Variants in ZNF281 observed in about 807,000 individuals in gnomAD.
The protein encoded by ZNF281 is zinc finger protein 281.
A neutral mutation model predicts 58.8 loss-of-function variants in ZNF281; 2 were observed. That is an observed-to-expected ratio of 0.03 (90% CI 0.01 to 0.11). ZNF281 has a LOEUF of 0.11. ZNF281 is among the 10% of genes least tolerant of loss of function. The pLI is 1.00. For missense variants in ZNF281, 975 were observed against 1,090.7 expected, an observed-to-expected ratio of 0.89 and a Z score of 1.49; for synonymous variants, 465 against 407.7, an observed-to-expected ratio of 1.14 and a Z score of -1.69.
chr1:200,408,659 A>G lies in ZNF281; in HGVS notation c.1047T>C (p.Thr349=), dbSNP rs1360930511. The G allele has an allele frequency of 6.2e-7, 1 of 1,614,212 alleles. No homozygotes were observed. The highest frequency in any genetic ancestry group is 1.1e-5 in the South Asian group (1 of 91,084). Residue 349 remains threonine (T), a synonymous_variant, in exon 2 of 2, where the codon ACT becomes ACC. Transcript: ENST00000367353. ...HSGEKPYKCD[T]CQQYFSRTDR... is the part of the protein sequence containing the mutation. ...CAGTCCTTGAAAAATACTGTTGGCA[A>G]GTGTCACACTTATATGGCTTTTCTC...
Position 200,407,000 on chromosome 1 carries a change from C to G in ZNF281, c.*18G>C. 1.3e-6 allele frequency: 2 copies of G among 1,587,936 alleles called. No homozygotes were observed. Among genetic ancestry groups the G allele is most frequent in the Non-Finnish European group, 1.7e-6 (2 of 1,168,428 alleles). The stretch of plus-strand genomic sequence containing the variant: ...AAAATTACATTAGAAGACCTCCAGC[C>G]TGGCCACTTTTGGGACCTTACCTGT... On this transcript the variant is annotated 3_prime_UTR_variant, in exon 2 of 2. Coordinates refer to ENST00000367353, the MANE Select transcript of ZNF281 (RefSeq NM_001281293.2).
In ZNF281 at chr1:200,406,231, G is replaced by T. The variant is rs79617453; in HGVS notation, c.*787C>A. On this transcript the variant is annotated 3_prime_UTR_variant, in exon 2 of 2. Transcript: ENST00000367353. ...CACTGTACTAGATGTCAGTAGAATC[G>T]CTTGATGGAATTACAGCCTTGTTAC... 6.6e-6 allele frequency: 1 copy of T among 152,170 alleles called. No homozygotes were observed. The highest frequency in any genetic ancestry group is 1.5e-5 in the Non-Finnish European group (1 of 67,986). 9.4% of individuals were successfully genotyped at this position (152,170 alleles called of 1,614,324 possible).
chr1:200,407,227 G>C lies in ZNF281; in HGVS notation c.2479C>G (p.Gln827Glu), dbSNP rs751937056. Residue 827 changes from glutamine to glutamate, a missense_variant, in exon 2 of 2, where the codon CAG (glutamine) becomes GAG (glutamate). Transcript: ENST00000367353. ...AACGCTTGTGCAAAGTTCTCAATCT[G>C]ATACGTTGTTCTAGGCTCTATGTCT... is the stretch of plus-strand genomic sequence containing the variant. ...QKDIEPRTTY[Q>E]IENFAQAFGS... 6.2e-7 allele frequency: 1 copy of C among 1,614,220 alleles called. No homozygotes were observed. Among genetic ancestry groups the C allele is most frequent in the South Asian group, 1.1e-5 (1 of 91,090 alleles).
intron 1 of ZNF281, 88 bp from the exon 2 acceptor site, chr1:200,409,811 G>A: frequency 1.4e-6 from 2 of 1,434,334 alleles, no homozygotes; most frequent in Non-Finnish European, 1.8e-6. Context: ...TAAGGACCCC[G>A]CCGCGCCGCC....
rs778234314 is a variant in ZNF281, at chr1:200,409,247, G to A, written c.459C>T (p.Phe153=). ...CTGGAGACCTCTCTTCAGCTCCAGC[G>A]AACAGCCCCCCATAGTGGTGGTGGT... is the stretch of plus-strand genomic sequence containing the variant. ...HHHHHHYGGL[F]AGAEERSPGL... is the part of the protein sequence containing the mutation. The change falls in exon 2 of 2, where the codon TTC becomes TTT. Residue 153 remains phenylalanine (F), a synonymous_variant. Transcript: ENST00000367353. 5.6e-6 allele frequency: 9 copies of A among 1,613,736 alleles called. No individual in the cohort carries two copies. In the South Asian group the frequency reaches 7.7e-5, roughly 14 times the overall value.
rs370598312 is a variant in ZNF281 at position 200,407,231 on chromosome 1, C to G, written c.2475G>C (p.Thr825=). The G allele has an allele frequency of 6.2e-7, 1 of 1,614,098 alleles. No individual in the cohort carries two copies. The highest frequency in any genetic ancestry group is 1.7e-5 in the Admixed American group (1 of 60,004). Reference sequence around the variant, plus strand: ...CTTGTGCAAAGTTCTCAATCTGATACGTTGTTCTAGGCTCTATGTCTTTCT... The same window carrying G: ...CTTGTGCAAAGTTCTCAATCTGATAGGTTGTTCTAGGCTCTATGTCTTTCT... ...DPQKDIEPRT[T]YQIENFAQAF... The change falls in exon 2 of 2, where the codon ACG becomes ACC. Residue 825 remains threonine, a synonymous_variant. Transcript: ENST00000367353.
At position 200,409,334 on chromosome 1, in the gene ZNF281, C is replaced by A; in HGVS notation, c.372G>T (p.Leu124Phe). The change falls in exon 2 of 2, where the codon TTG becomes TTT. Residue 124 changes from leucine (L) to phenylalanine (F), a missense_variant. Leu to Phe is a conservative substitution (Grantham distance 22). Transcript: ENST00000367353. ...CGGGTTTCTCCTGTTTGATGCTAAC[C>A]AAAGACTGCAAGAACCCCCAGGAGG... ...QRTSWGFLQS[L>F]VSIKQEKPAD... 6.4e-7 allele frequency: 1 copy of A among 1,571,352 alleles called. No individual in the cohort carries two copies. The highest frequency in any genetic ancestry group is 8.6e-7 in the Non-Finnish European group (1 of 1,157,498).
chr1:200,409,496 G>A lies in ZNF281; in HGVS notation c.210C>T (p.Ala70=), dbSNP rs938678469. Residue 70 remains alanine, a synonymous_variant, in exon 2 of 2, where the codon GCC becomes GCT. Transcript: ENST00000367353. ...ATAACACGCATTGCGGGGGAGGGGC[G>A]GCCGACCCCGCCGGCCGGGTGAAGC... ...VTSFTRPAGS[A]APPPQCVLSS... is the part of the protein sequence containing the mutation. The A allele has an allele frequency of 9.7e-6, 15 of 1,548,762 alleles. No homozygotes were observed. The highest frequency in any genetic ancestry group is 1.3e-5 in the Non-Finnish European group (15 of 1,146,224).
In ZNF281 at chr1:200,409,590, C is replaced by T. The variant is rs1198472984; in HGVS notation, c.116G>A (p.Arg39Lys). Residue 39 changes from arginine to lysine, a missense_variant, in exon 2 of 2, where the codon AGG becomes AAG. Coordinates refer to ENST00000367353, the MANE Select transcript of ZNF281 (RefSeq NM_001281293.2). ...GGGAAAGGTGGGTTCCATCTCTGCC[C>T]TCCTGCCGCTGCTGCCGCCGCCGCC... ...GGGGGGSSGR[R>K]AEMEPTFPQG... is the part of the protein sequence containing the mutation. 1.3e-6 allele frequency: 2 copies of T among 1,549,032 alleles called. No individual in the cohort carries two copies. The highest frequency in any genetic ancestry group is 1.7e-6 in the Non-Finnish European group (2 of 1,146,742).
chr1:200,406,693 GGTTTTTTTTTTTTGGTTTTTTTTT>G lies in ZNF281; in HGVS notation c.*301_*324del. The stretch of plus-strand genomic sequence containing the variant: ...TCCTAGCAACAAAGTTTTTTTTGTA[GGTTTTTTTTTTTTGGTTTTTTTTT>G]GTCTTTTTTTTTGCGTTTAAAACAT... On this transcript the variant is annotated 3_prime_UTR_variant, in exon 2 of 2. Coordinates refer to ENST00000367353, the MANE Select transcript of ZNF281 (RefSeq NM_001281293.2). The G allele has an allele frequency of 5.0e-6, 1 of 201,994 alleles. No homozygotes were observed. The highest frequency in any genetic ancestry group is 1.2e-4 in the East Asian group (1 of 8,506). The allele number at this position is 201,994 out of a possible 1,614,324, so 12.5% of individuals were successfully genotyped here.
rs1384244278 is a variant in ZNF281 at position 200,407,055 on chromosome 1, G to A, written c.2651C>T (p.Thr884Ile). The change falls in exon 2 of 2, where the codon ACA becomes ATA. Residue 884 changes from threonine (T) to isoleucine (I), a missense_variant. Coordinates refer to ENST00000367353, the MANE Select transcript of ZNF281 (RefSeq NM_001281293.2). ...CTGGCTGGTGGGTGTCTTTACTCTT[G>A]TACTACATGGCTCACTTACATCAGA... Reference protein sequence around the residue: ...MMSDVSEPCSTRVKTPTSQSY... With the variant: ...MMSDVSEPCSIRVKTPTSQSY... The A allele has an allele frequency of 6.2e-7, 1 of 1,613,814 alleles. No individual in the cohort carries two copies. The highest frequency in any genetic ancestry group is 8.5e-7 in the Non-Finnish European group (1 of 1,179,948).
rs1316198351 is a variant in ZNF281, at chr1:200,406,564, T to A, written c.*454A>T. The stretch of plus-strand genomic sequence containing the variant: ...TCCCTTACTTAAATGATGAAATGTA[T>A]ATCATACTATCTGTAAATTGGATAT... On this transcript the variant is annotated 3_prime_UTR_variant, in exon 2 of 2. Coordinates refer to ENST00000367353, the MANE Select transcript of ZNF281 (RefSeq NM_001281293.2). 1.3e-5 allele frequency: 2 copies of A among 154,156 alleles called. No individual in the cohort carries two copies. The highest frequency in any genetic ancestry group is 2.9e-5 in the Non-Finnish European group (2 of 69,208). 9.5% of individuals were successfully genotyped at this position (154,156 alleles called of 1,614,324 possible). A position where few individuals can be genotyped will look rare whatever the true frequency, so the allele number is the denominator to read the frequency against.
chr1:200,407,708 T>C lies in ZNF281; in HGVS notation c.1998A>G (p.Gln666=), dbSNP rs778397676. 4 of 1,614,208 alleles carry C rather than the reference T, an allele frequency of 2.5e-6. No homozygotes were observed. The Admixed American group carries it at 5.0e-5, about 20-fold the overall frequency. The change falls in exon 2 of 2, where the codon CAA becomes CAG. Residue 666 remains glutamine, a synonymous_variant. Transcript: ENST00000367353. ...TPSNDKASML[Q]EYSKYLQQAF... ...CCTGTTGGAGGTATTTGGAGTATTCTTGCAACATACTTGCTTTATCATTTG... is the reference window on the plus strand; with the variant it reads ...CCTGTTGGAGGTATTTGGAGTATTCCTGCAACATACTTGCTTTATCATTTG...
Position 200,407,306 on chromosome 1 carries a change from T to A in ZNF281, c.2400A>T (p.Ser800=). The change falls in exon 2 of 2, where the codon TCA becomes TCT. Residue 800 remains serine (S), a synonymous_variant. Coordinates refer to ENST00000367353, the MANE Select transcript of ZNF281 (RefSeq NM_001281293.2). The part of the protein sequence containing the change: ...SQKEQKNLES[S]TGFQIPSQEL... ...CCTGAGATGGAATCTGAAAGCCTGT[T>A]GAAGACTCTAAGTTTTTCTGTTCCT... is the stretch of plus-strand genomic sequence containing the variant. The A allele has an allele frequency of 6.2e-7, 1 of 1,614,216 alleles. No homozygotes were observed. The highest frequency in any genetic ancestry group is 8.5e-7 in the Non-Finnish European group (1 of 1,180,044).
rs1416303853 is a variant in ZNF281 at position 200,408,912 on chromosome 1, T to C, written c.794A>G (p.His265Arg). ...SPSQKPHICDHCSAAFRSSYH... is the reference protein window; with the variant it reads ...SPSQKPHICDRCSAAFRSSYH... ...GGAGCTTCGGAAAGCAGCACTACAGTGATCACAGATATGAGGTTTCTGACT... is the reference window on the plus strand; with the variant it reads ...GGAGCTTCGGAAAGCAGCACTACAGCGATCACAGATATGAGGTTTCTGACT... The change falls in exon 2 of 2, where the codon CAC becomes CGC. Residue 265 changes from histidine (H) to arginine (R), a missense_variant. Around this residue, in one of 3 missense-constraint regions of ZNF281, gnomAD observed 370 missense variants for 360.9 expected, o/e 1.03. Transcript: ENST00000367353. 3.7e-6 allele frequency: 6 copies of C among 1,614,112 alleles called. No individual in the cohort carries two copies. In the East Asian group the frequency reaches 1.1e-4, roughly 30 times the overall value.
Position 200,409,621 on chromosome 1 carries a change from C to G in ZNF281, c.85G>C (p.Gly29Arg). 2 of 1,550,710 alleles carry G rather than the reference C, an allele frequency of 1.3e-6. No individual in the cohort carries two copies. The highest frequency in any genetic ancestry group is 1.7e-6 in the Non-Finnish European group (2 of 1,148,064). ...GSGSGGGGSG[G>R]GGGGGSSGRR... ...CCGCTGCTGCCGCCGCCGCCGCCGCCGCCACTACCACCGCCGCCGGAGCCG... is the reference window on the plus strand; with the variant it reads ...CCGCTGCTGCCGCCGCCGCCGCCGCGGCCACTACCACCGCCGCCGGAGCCG... The change falls in exon 2 of 2, where the codon GGC (glycine) becomes CGC (arginine). Residue 29 changes from glycine to arginine, a missense_variant. Transcript: ENST00000367353.
chr1:200,409,497 G>T lies in ZNF281; in HGVS notation c.209C>A (p.Ala70Asp), dbSNP rs192345323. 24 of 1,548,696 alleles carry T rather than the reference G, an allele frequency of 1.5e-5. No homozygotes were observed. In the Admixed American group the frequency reaches 4.7e-4, roughly 30 times the overall value. Residue 70 changes from alanine (A) to aspartate (D), a missense_variant, in exon 2 of 2, where the codon GCC becomes GAC. Physicochemically the swap from Ala to Asp is moderately radical, Grantham distance 126. Coordinates refer to ENST00000367353, the MANE Select transcript of ZNF281 (RefSeq NM_001281293.2). ...TAACACGCATTGCGGGGGAGGGGCG[G>T]CCGACCCCGCCGGCCGGGTGAAGCT... is the stretch of plus-strand genomic sequence containing the variant. ...VTSFTRPAGS[A>D]APPPQCVLSS... is the part of the protein sequence containing the mutation.
chr1:200,406,923 C>G lies in ZNF281; in HGVS notation c.*95G>C. On this transcript the variant is annotated 3_prime_UTR_variant, in exon 2 of 2. Transcript: ENST00000367353. ...TGCATTGAAAGGGCATCACATTATT[C>G]TTAATAGGATCGTGTAGAAACATTC... The G allele has an allele frequency of 4.0e-6, 5 of 1,261,690 alleles. No individual in the cohort carries two copies. The highest frequency in any genetic ancestry group is 5.4e-6 in the Non-Finnish European group (5 of 928,288). The allele number at this position is 1,261,690 out of a possible 1,614,324, so 78.2% of individuals were successfully genotyped here. A position where few individuals can be genotyped will look rare whatever the true frequency, so the allele number is the denominator to read the frequency against.
In ZNF281 at chr1:200,406,998, G is replaced by A. The variant is rs774315324; in HGVS notation, c.*20C>T. 2.4e-5 allele frequency: 38 copies of A among 1,586,710 alleles called. No individual in the cohort carries two copies. Among genetic ancestry groups the A allele is most frequent in the Non-Finnish European group, 3.2e-5 (37 of 1,168,066 alleles). ...ACAAAATTACATTAGAAGACCTCCA[G>A]CCTGGCCACTTTTGGGACCTTACCT... On this transcript the variant is annotated 3_prime_UTR_variant, in exon 2 of 2. Transcript: ENST00000367353.
Sources: allele counts gnomAD v4.1 joint callset, GRCh38; gene constraint gnomAD v4.1.1; regional missense constraint gnomAD v4.1.1; transcripts MANE v1.5; gene names NCBI Gene and HGNC (gene_info 2026-07-23, HGNC 2026-07-21).